Variants in SHTN1 observed in about 807,000 individuals in gnomAD.
SHTN1 encodes the protein shootin 1, also known as shootin-1.
SHTN1 carries 42 observed loss-of-function variants against 83.1 expected under a neutral mutation model. The observed-to-expected ratio is 0.51, with a 90% CI of 0.39 to 0.65. The LOEUF (loss-of-function observed/expected upper bound fraction) is 0.65, where lower values mean the gene tolerates loss of function less well. Ranked by LOEUF, SHTN1 falls within the 30% of genes least tolerant of loss-of-function variation. SHTN1 has a pLI of 0.00. For missense variants in SHTN1, 622 were observed against 737.8 expected (o/e 0.84, Z 1.82); for synonymous variants, 224 against 247.7 (o/e 0.90, Z 0.90).
intron 1 of SHTN1, among the ~76,000 whole-genome samples, chr10:117,064,088 C>G (rs539186931): frequency 8.5e-5 from 13 of 152,258 alleles, no homozygotes; most frequent in African/African-American, 3.1e-4. Context: ...TCATTGAGCA[C>G]TGGCGTTAAG....
intron 2 of SHTN1, among the ~76,000 whole-genome samples, chr10:117,046,436 T>C (rs1278496842): frequency 1.3e-5 from 2 of 152,070 alleles, no homozygotes; most frequent in Non-Finnish European, 2.9e-5. Flanking sequence ...GAATATTAAA[T>C]AGTGTAACCA....
chr10:116,922,963 T>C (rs538489692), intron 11 of SHTN1, among the ~76,000 whole-genome samples: 1 of 144,556 alleles, frequency 6.9e-6, no homozygotes, highest in East Asian at 2.0e-4. Flanking sequence ...CAAAACTCCA[T>C]CTCAAAAAAA....
intron 7 of SHTN1, among the ~76,000 whole-genome samples, chr10:116,948,328 T>C (rs879265851): frequency 2.0e-5 from 3 of 152,150 alleles, no homozygotes; most frequent in Non-Finnish European, 1.5e-5. Context: ...CTTTTCCTGA[T>C]CATTAGGTTC....
At chr10:116,975,385 T>A (rs1400733127) in intron 2 of SHTN1, among the ~76,000 whole-genome samples, 1 of 152,156 alleles carries the variant, frequency 6.6e-6, no homozygotes, top group African/African-American at 2.4e-5. Flanking sequence ...AGTTATCACA[T>A]GGAAAAGAGT....
chr10:116,899,931 T>C (rs2133320548), intron 16 of SHTN1, among the ~76,000 whole-genome samples: 1 of 152,248 alleles, frequency 6.6e-6, no homozygotes, highest in South Asian at 2.1e-4. Flanking sequence ...TGACAAATGA[T>C]ACAAACTGTT....
chr10:116,882,820 C>T lies in SHTN1; in HGVS notation c.*3524G>A, dbSNP rs936426810. ...CATGCAGGAGACTTGGTTGGTATCA[C>T]TCTAAGTTGGAAGAACTGTGTCACA... On this transcript the variant is annotated 3_prime_UTR_variant, in exon 17 of 17. Transcript: ENST00000355371. The T allele has an allele frequency of 1.3e-5, 2 of 152,154 alleles. No homozygotes were observed. The highest frequency in any genetic ancestry group is 1.5e-5 in the Non-Finnish European group (1 of 68,042). 9.4% of individuals were successfully genotyped at this position (152,154 alleles called of 1,614,324 possible).
At chr10:116,895,312 C>T (rs750421612) in intron 16 of SHTN1, among the ~76,000 whole-genome samples, 2 of 152,164 alleles carry the variant, frequency 1.3e-5, no homozygotes, top group East Asian at 1.9e-4. Context: ...CTTATGCTGA[C>T]GACTAAAGTA....
At chr10:117,075,218 G>A (rs1853135519) in intron 1 of SHTN1, among the ~76,000 whole-genome samples, 1 of 152,100 alleles carries the variant, frequency 6.6e-6, no homozygotes, top group South Asian at 2.1e-4. Flanking sequence ...TGCATCCTGA[G>A]AATCAGTGTT....
At position 116,933,217 on chromosome 10, in the gene SHTN1, G is replaced by A. The variant is rs182100980; in HGVS notation, c.859-3215C>T. ...AAGTTCTGGGATACATGTGTAGAAT[G>A]TGCAGGTTTGTTACATAGGTATACA... On this transcript the variant is annotated intron_variant, in intron 9 of 16. Transcript: ENST00000355371. 6.6e-3 allele frequency among the ~76,000 whole-genome samples: 1,003 copies of A among 151,874 alleles called. 5 individuals are homozygous for A. The highest frequency in any genetic ancestry group is 0.01 in the Non-Finnish European group (699 of 67,934).
At chr10:116,953,074 A>G (rs1348168519) in intron 5 of SHTN1, among the ~76,000 whole-genome samples, 1 of 152,176 alleles carries the variant, frequency 6.6e-6, no homozygotes, top group East Asian at 1.9e-4. Flanking sequence ...TGGTGTCTGT[A>G]ACATCCTTTC....
At chr10:117,091,762 C>A (rs563353852) in intron 1 of SHTN1, among the ~76,000 whole-genome samples, 1 of 152,318 alleles carries the variant, frequency 6.6e-6, no homozygotes, top group East Asian at 1.9e-4. Flanking sequence ...ACATGAATGA[C>A]TGCCTCATCC....
Position 117,065,844 on chromosome 10 carries a change from G to C in SHTN1, c.-188-17334C>G, listed in dbSNP as rs903706901. Among the ~76,000 whole-genome samples, 57 of 71,008 alleles carry C rather than the reference G, an allele frequency of 8.0e-4. 1 individual carries two copies. The highest frequency in any genetic ancestry group is 2.7e-3 in the African/African-American group (52 of 19,472). The allele number at this position is 71,008 out of a possible 152,430, so 46.6% of individuals were successfully genotyped here. ...AGGAAGGAAGGAAGGAAGGAAGGAA[G>C]GAAGGAAGGAAAGGAGGGAGGGAGG... On this transcript the variant is annotated intron_variant, in intron 1 of 17. Transcript: ENST00000392901.
intron 16 of SHTN1, among the ~76,000 whole-genome samples, chr10:116,895,908 A>G (rs923805640): frequency 6.6e-6 from 1 of 152,204 alleles, no homozygotes; most frequent in African/African-American, 2.4e-5. Flanking sequence ...AATAATAAAC[A>G]AAAGCACCTT....
chr10:116,992,548 C>G (rs1378644275), intron 1 of SHTN1, among the ~76,000 whole-genome samples: 4 of 152,150 alleles, frequency 2.6e-5, no homozygotes, highest in African/African-American at 9.7e-5. Context: ...CCCTAGGCCT[C>G]TAGTAGGCAA....
rs189011955 is a variant in SHTN1 at position 117,058,868 on chromosome 10, G to C, written c.-188-10358C>G. Among the ~76,000 whole-genome samples, 129 of 152,272 alleles carry C rather than the reference G, an allele frequency of 8.5e-4. 1 individual carries two copies. The highest frequency in any genetic ancestry group is 5.6e-4 in the Non-Finnish European group (38 of 68,018). ...CATGGATAAAACTTGAGGGCATTAGGCTAAGTGAAATAAGCCAGTCACAAA... is the reference window on the plus strand; with the variant it reads ...CATGGATAAAACTTGAGGGCATTAGCCTAAGTGAAATAAGCCAGTCACAAA... On this transcript the variant is annotated intron_variant, in intron 1 of 17. Transcript: ENST00000392901.
At chr10:116,911,935 A>G in intron 13 of SHTN1, 92 bp from the exon 14 acceptor site, 1 of 879,642 alleles carries the variant, frequency 1.1e-6, no homozygotes, top group Non-Finnish European at 1.9e-6. Context: ...TAGTAGCCTT[A>G]TATTGGTAAT....
intron 4 of SHTN1, among the ~76,000 whole-genome samples, chr10:116,955,264 T>A (rs1337507302): frequency 6.6e-6 from 1 of 152,146 alleles, no homozygotes; most frequent in Non-Finnish European, 1.5e-5. Context: ...ACACAAAGAC[T>A]AAGGATGTTC....
chr10:116,970,455 T>A (rs930857365), intron 2 of SHTN1, among the ~76,000 whole-genome samples: 1 of 152,050 alleles, frequency 6.6e-6, no homozygotes, highest in Non-Finnish European at 1.5e-5. Flanking sequence ...GTGGCTCAAG[T>A]CGGTAATCCC....
intron 2 of SHTN1, among the ~76,000 whole-genome samples, chr10:116,970,010 T>C (rs1454636554): frequency 2.6e-5 from 4 of 152,218 alleles, no homozygotes; most frequent in Non-Finnish European, 5.9e-5. Context: ...TATAAATATA[T>C]AGGAATTTCA....
Sources: allele counts gnomAD v4.1 joint callset (sites outside exome capture counted in the v4.1 genomes callset), GRCh38; gene constraint gnomAD v4.1.1; transcripts MANE v1.5; gene names NCBI Gene and HGNC (gene_info 2026-07-23, HGNC 2026-07-21).